The following NEIL3 variants were observed in gnomAD, a reference collection of about 807,000 sequenced individuals.
The protein encoded by NEIL3 is nei like DNA glycosylase 3.
Under a neutral mutation model 57.5 loss-of-function variants are expected in NEIL3, and 48 were observed. The observed-to-expected ratio is 0.83, with a 90% CI of 0.66 to 1.06. NEIL3 has a LOEUF of 1.06. NEIL3 is among the 50% of genes least tolerant of loss of function. The pLI, the probability that NEIL3 is intolerant of heterozygous loss-of-function variation, is 0.00. For synonymous variants in NEIL3, 261 were observed against 253.2 expected, an observed-to-expected ratio of 1.03 and a Z score of -0.29; for missense variants, 717 against 739.1, an observed-to-expected ratio of 0.97 and a Z score of 0.35.
chr4:177,320,597 C>T (rs1578987942), intron 1 of NEIL3, among the ~76,000 whole-genome samples: 1 of 150,690 alleles, frequency 6.6e-6, no homozygotes, highest in East Asian at 2.0e-4. Context: ...CCTGACTCAG[C>T]CTCCCGAGTA....
chr4:177,321,951 C>T (rs755398355), intron 1 of NEIL3, among the ~76,000 whole-genome samples: 8 of 152,200 alleles, frequency 5.3e-5, no homozygotes, highest in East Asian at 1.9e-4. Context: ...AGGGTTCTCT[C>T]CCGCTTTTAG....
intron 5 of NEIL3, 50 bp downstream of exon 5, chr4:177,339,907 C>A (rs749373718): frequency 6.9e-6 from 9 of 1,295,344 alleles, no homozygotes; most frequent in Admixed American, 3.4e-5. Context: ...TCAGTGGTTT[C>A]CTTTTGGAGT....
At chr4:177,354,400 A>C (rs569244210) in intron 8 of NEIL3, 1 of 152,290 alleles carries the variant, frequency 6.6e-6, no homozygotes, top group African/African-American at 2.4e-5. Flanking sequence ...CTTCCAATGA[A>C]AGATAGTCTT....
At chr4:177,348,413 G>C (rs534118633) in intron 6 of NEIL3, among the ~76,000 whole-genome samples, 1 of 152,224 alleles carries the variant, frequency 6.6e-6, no homozygotes, top group South Asian at 2.1e-4. Flanking sequence ...CTGTGAGCTC[G>C]GAACGATGCA....
rs1330150456 is a variant in NEIL3 at position 177,341,716 on chromosome 4, A to G, written c.869+74A>G. ...AAAAGGCTAATAATCTGAGAATATA[A>G]CTGAATAACTGTCAGGCTATTCAGA... On this transcript the variant is annotated intron_variant, in intron 6 of 9. Coordinates refer to ENST00000264596, the MANE Select transcript of NEIL3 (RefSeq NM_018248.3). 3.2e-6 allele frequency: 4 copies of G among 1,240,450 alleles called. No homozygotes were observed. The African/African-American group carries it at 4.5e-5, about 14-fold the overall frequency. 76.8% of individuals were successfully genotyped at this position (1,240,450 alleles called of 1,614,324 possible).
chr4:177,359,463 A>G (rs1344215261), intron 8 of NEIL3, among the ~76,000 whole-genome samples: 1 of 152,238 alleles, frequency 6.6e-6, no homozygotes, highest in African/African-American at 2.4e-5. Flanking sequence ...TTGAGGCATC[A>G]TAGAAACAAG....
chr4:177,331,865 A>G (rs1404216696), intron 2 of NEIL3, among the ~76,000 whole-genome samples: 1 of 152,196 alleles, frequency 6.6e-6, no homozygotes, highest in Admixed American at 6.5e-5. Context: ...CAACAACTTC[A>G]AAACTCCAGC....
intron 2 of NEIL3, among the ~76,000 whole-genome samples, chr4:177,323,921 G>A (rs1334924830): frequency 6.6e-6 from 1 of 152,130 alleles, no homozygotes; most frequent in African/African-American, 2.4e-5. Context: ...TTGAACTAGT[G>A]CCCTCCCTGG....
chr4:177,353,755 A>T, intron 8 of NEIL3, 27 bp downstream of exon 8: 1 of 1,552,528 alleles, frequency 6.4e-7, no homozygotes, highest in Non-Finnish European at 8.7e-7. Context: ...CTTGGTCTTT[A>T]AGATAATTGC....
intron 6 of NEIL3, among the ~76,000 whole-genome samples, chr4:177,344,106 A>G (rs1224696310): frequency 7.2e-5 from 11 of 152,290 alleles, no homozygotes; most frequent in African/African-American, 2.2e-4. Context: ...AAAGAGACCT[A>G]TGAGTTAGGG....
chr4:177,349,129 G>A lies in NEIL3; in HGVS notation c.870-2251G>A, dbSNP rs1361207610. Among the ~76,000 whole-genome samples the A allele has an allele frequency of 2.7e-5, 4 of 148,402 alleles. No individual in the cohort carries two copies. In the South Asian group the frequency reaches 8.5e-4, roughly 32 times the overall value. On this transcript the variant is annotated intron_variant, in intron 6 of 9. Transcript: ENST00000264596. The stretch of plus-strand genomic sequence containing the variant: ...GATCTCCTGACCTTGTGATCCACAC[G>A]TCTCGGCCTCCCAAAGTGCTGGGAT...
chr4:177,345,300 C>T (rs1033726300), intron 6 of NEIL3, among the ~76,000 whole-genome samples: 1 of 152,106 alleles, frequency 6.6e-6, no homozygotes, highest in Non-Finnish European at 1.5e-5. Context: ...AAAGACGAAA[C>T]AACACATGGG....
At chr4:177,327,387 G>A (rs1282759848) in intron 2 of NEIL3, among the ~76,000 whole-genome samples, 1 of 152,094 alleles carries the variant, frequency 6.6e-6, no homozygotes, top group Non-Finnish European at 1.5e-5. Context: ...AATTAAAGCA[G>A]TTTTATTTTT....
chr4:177,362,946 C>G (rs1684117342), downstream of NEIL3: 1 of 152,088 alleles, frequency 6.6e-6, no homozygotes, highest in Non-Finnish European at 1.5e-5. Context: ...ATGAACAAGT[C>G]TATTTTTAAA....
In NEIL3 at chr4:177,351,440, G is replaced by A; in HGVS notation, c.930G>A (p.Met310Ile). ...SWTSSRVDHV[M>I]DSVARKSEEH... ...CATCTAGCAGGGTGGATCATGTTATGGACTCCGTGGCTCGGAAGTCGGAAG... is the reference window on the plus strand; with the variant it reads ...CATCTAGCAGGGTGGATCATGTTATAGACTCCGTGGCTCGGAAGTCGGAAG... The change falls in exon 7 of 10, where the codon ATG (methionine) becomes ATA (isoleucine). Residue 310 changes from methionine to isoleucine, a missense_variant. Transcript: ENST00000264596. 2 of 1,613,818 alleles carry A rather than the reference G, an allele frequency of 1.2e-6. No homozygotes were observed. Among genetic ancestry groups the A allele is most frequent in the Non-Finnish European group, 1.7e-6 (2 of 1,179,792 alleles).
intron 1 of NEIL3, among the ~76,000 whole-genome samples, chr4:177,315,062 CCGTCT>C (rs1734548605): frequency 8.4e-6 from 1 of 119,376 alleles, no homozygotes; most frequent in Non-Finnish European, 1.7e-5. Context: ...GAGCGAGACT[CCGTCT>C]CAAAAAAAAA....
chr4:177,352,265 GACATC>G (rs1236077847), intron 7 of NEIL3, among the ~76,000 whole-genome samples: 1 of 152,184 alleles, frequency 6.6e-6, no homozygotes, highest in Non-Finnish European at 1.5e-5. Context: ...CAGAAAGGCA[GACATC>G]ACCCCTTGCA....
At chr4:177,348,808 A>G (rs1735284430) in intron 6 of NEIL3, among the ~76,000 whole-genome samples, 1 of 142,498 alleles carries the variant, frequency 7.0e-6, no homozygotes, top group Non-Finnish European at 1.5e-5. Context: ...TACTGATGCC[A>G]TTTCCTGACA....
rs1475767016 is a variant in NEIL3, at chr4:177,331,046, A to G, written c.279-4642A>G. 2.0e-5 allele frequency among the ~76,000 whole-genome samples: 3 copies of G among 152,222 alleles called. No homozygotes were observed. In the East Asian group the frequency reaches 5.8e-4, roughly 29 times the overall value. On this transcript the variant is annotated intron_variant, in intron 2 of 9. Coordinates refer to ENST00000264596, the MANE Select transcript of NEIL3 (RefSeq NM_018248.3). ...TATATTACCTAACAAATTTATGTCG[A>G]TGAATTCAACAACTAAAATAAATGG... is the stretch of plus-strand genomic sequence containing the variant.
Sources: allele counts gnomAD v4.1 joint callset (sites outside exome capture counted in the v4.1 genomes callset), GRCh38; gene constraint gnomAD v4.1.1; transcripts MANE v1.5; gene names NCBI Gene and HGNC (gene_info 2026-07-23, HGNC 2026-07-21).